Variants in ADCYAP1R1 observed in about 807,000 individuals in gnomAD.
The protein encoded by ADCYAP1R1 is pituitary adenylate cyclase-activating polypeptide type I receptor.
Under a neutral mutation model 67.6 loss-of-function variants are expected in ADCYAP1R1, and 44 were observed. The ratio of observed to expected loss-of-function variants is 0.65; its 90% CI spans 0.51 to 0.84. The LOEUF is 0.84. Ranked by LOEUF, ADCYAP1R1 falls within the 40% of genes least tolerant of loss-of-function variation. The pLI is 0.00. For synonymous variants in ADCYAP1R1, 222 were observed against 219.6 expected, an observed-to-expected ratio of 1.01 and a Z score of -0.10; for missense variants, 477 against 587.9, an observed-to-expected ratio of 0.81 and a Z score of 1.95.
intron 13 of ADCYAP1R1, among the ~76,000 whole-genome samples, chr7:31,093,828 G>A (rs905014384): frequency 7.9e-5 from 12 of 152,132 alleles, no homozygotes; most frequent in Admixed American, 4.6e-4. Flanking sequence ...CCCAGTAGAT[G>A]ACAAGTGGGA....
intron 1 of ADCYAP1R1, chr7:31,057,076 C>A (rs1005212977): frequency 3.3e-5 from 5 of 152,302 alleles, no homozygotes; most frequent in African/African-American, 1.2e-4. Context: ...TGCAGAGCTA[C>A]TCCTCTCCAC....
At chr7:31,099,874 C>T (rs1796362895) in intron 13 of ADCYAP1R1, among the ~76,000 whole-genome samples, 2 of 152,332 alleles carry the variant, frequency 1.3e-5, no homozygotes, top group Middle Eastern at 3.4e-3. Context: ...AACCCACCCA[C>T]CTAGCAGTGG....
chr7:31,101,196 G>A (rs141452573), intron 13 of ADCYAP1R1, among the ~76,000 whole-genome samples: 286 of 152,310 alleles, frequency 1.9e-3, no homozygotes, highest in African/African-American at 6.6e-3. Flanking sequence ...GGGAGGGAAG[G>A]TGTTGCCCTT....
intron 13 of ADCYAP1R1, among the ~76,000 whole-genome samples, chr7:31,097,950 A>G (rs1440044200): frequency 6.6e-6 from 1 of 152,038 alleles, no homozygotes; most frequent in Non-Finnish European, 1.5e-5. Context: ...GCCCAGGCTG[A>G]ATTGCAGTGG....
At chr7:31,066,673 C>T (rs1794752230) in intron 3 of ADCYAP1R1, among the ~76,000 whole-genome samples, 1 of 152,170 alleles carries the variant, frequency 6.6e-6, no homozygotes, top group African/African-American at 2.4e-5. Flanking sequence ...ACAATCCAAA[C>T]CAATTAAATC....
chr7:31,088,699 T>C (rs1009473994), intron 12 of ADCYAP1R1, among the ~76,000 whole-genome samples: 4 of 152,338 alleles, frequency 2.6e-5, no homozygotes, highest in East Asian at 3.9e-4. Flanking sequence ...TTCCAGACTT[T>C]CTATTCTGTG....
intron 1 of ADCYAP1R1, among the ~76,000 whole-genome samples, chr7:31,055,896 C>T (rs1056254133): frequency 6.6e-6 from 1 of 152,204 alleles, no homozygotes; most frequent in Non-Finnish European, 1.5e-5. Context: ...CACCCTCCCC[C>T]AGATTGGCCT....
intron 12 of ADCYAP1R1, among the ~76,000 whole-genome samples, chr7:31,091,710 G>T (rs1038924424): frequency 1.3e-5 from 2 of 152,102 alleles, no homozygotes; most frequent in Non-Finnish European, 2.9e-5. Flanking sequence ...TTCAGACACT[G>T]ATCAAACTGG....
Position 31,108,889 on chromosome 7 carries a change from G to A in ADCYAP1R1, c.*2205G>A, listed in dbSNP as rs1796749164. 6.6e-6 allele frequency: 1 copy of A among 152,154 alleles called. No homozygotes were observed. The highest frequency in any genetic ancestry group is 2.4e-5 in the African/African-American group (1 of 41,402). The allele number at this position is 152,154 out of a possible 1,614,324, so 9.4% of individuals were successfully genotyped here. A position where few individuals can be genotyped will look rare whatever the true frequency, so the allele number is the denominator to read the frequency against. On this transcript the variant is annotated 3_prime_UTR_variant, in exon 16 of 16. Coordinates refer to ENST00000304166, the MANE Select transcript of ADCYAP1R1 (RefSeq NM_001118.5). ...GCTGGTGGCCTGGAAGGAAGGATTA[G>A]GTCATGGACATTTGAACAGGTGCCT...
Position 31,106,828 on chromosome 7 carries a change from G to C in ADCYAP1R1, c.*144G>C, listed in dbSNP as rs1796669289. The C allele has an allele frequency of 2.0e-6, 2 of 1,005,508 alleles. No individual in the cohort carries two copies. Among genetic ancestry groups the C allele is most frequent in the South Asian group, 1.7e-5 (1 of 57,610 alleles). The allele number at this position is 1,005,508 out of a possible 1,614,324, so 62.3% of individuals were successfully genotyped here. A position where few individuals can be genotyped will look rare whatever the true frequency, so the allele number is the denominator to read the frequency against. ...GCTCCTGAGGGGGGAGAAGGAGGCA[G>C]GGCACAGACTGGAATTGTCCCCTCC... On this transcript the variant is annotated 3_prime_UTR_variant, in exon 16 of 16. Transcript: ENST00000304166.
intron 14 of ADCYAP1R1, 124 bp downstream of exon 14, chr7:31,103,490 G>A: frequency 7.3e-7 from 1 of 1,377,806 alleles, no homozygotes; most frequent in South Asian, 1.4e-5. Context: ...GAGGTGATGA[G>A]GGAGCCCTGT....
At position 31,087,673 on chromosome 7, in the gene ADCYAP1R1, G is replaced by A. The variant is rs2128631703; in HGVS notation, c.931G>A (p.Gly311Ser). Reference protein sequence around the residue: ...DSTALWWVIKGPVVGSIMVNF... With the variant: ...DSTALWWVIKSPVVGSIMVNF... ...CACAGCTCTGTGGTGGGTGATCAAA[G>A]GCCCTGTGGTTGGCTCTATCATGGT... is the stretch of plus-strand genomic sequence containing the variant. Residue 311 changes from glycine (G) to serine (S), a missense_variant, in exon 12 of 16, where the codon GGC becomes AGC. Transcript: ENST00000304166. 6.2e-7 allele frequency: 1 copy of A among 1,614,088 alleles called. No individual in the cohort carries two copies. The highest frequency in any genetic ancestry group is 2.2e-5 in the East Asian group (1 of 44,870).
At chr7:31,103,011 C>T (rs1188585434) in intron 13 of ADCYAP1R1, among the ~76,000 whole-genome samples, 3 of 152,204 alleles carry the variant, frequency 2.0e-5, no homozygotes, top group Non-Finnish European at 4.4e-5. Flanking sequence ...AGTGGTTCTA[C>T]AGGCTATTGA....
chr7:31,065,198 C>A (rs1316234617), intron 3 of ADCYAP1R1, among the ~76,000 whole-genome samples: 1 of 152,178 alleles, frequency 6.6e-6, no homozygotes, highest in Non-Finnish European at 1.5e-5. Context: ...GCTGGGATAG[C>A]ACTGGTGCCT....
At chr7:31,063,480 C>T (rs1361144643) in intron 2 of ADCYAP1R1, among the ~76,000 whole-genome samples, 165 bp downstream of exon 2, 2 of 152,232 alleles carry the variant, frequency 1.3e-5, no homozygotes, top group African/African-American at 2.4e-5. Context: ...TCAGAAAAGA[C>T]ATGCCTTCCT....
intron 13 of ADCYAP1R1, among the ~76,000 whole-genome samples, chr7:31,094,703 C>A (rs2267732): frequency 0.65 from 98,690 of 151,866 alleles, 33,505 homozygotes; most frequent in African/African-American, 0.86. Context: ...AAGAAGTGCC[C>A]GCCAAGGTTT....
intron 14 of ADCYAP1R1, among the ~76,000 whole-genome samples, chr7:31,104,031 GA>G (rs1354963805): frequency 6.6e-6 from 1 of 152,228 alleles, no homozygotes; most frequent in Non-Finnish European, 1.5e-5. Context: ...TTGATGGTCA[GA>G]AAGTTACTCT....
chr7:31,062,154 G>A (rs1019283542), intron 1 of ADCYAP1R1, among the ~76,000 whole-genome samples: 2 of 152,152 alleles, frequency 1.3e-5, no homozygotes, highest in African/African-American at 2.4e-5. Context: ...TTTATCAGAT[G>A]CAGAATTGCT....
chr7:31,106,992 A>G lies in ADCYAP1R1; in HGVS notation c.*308A>G. 1 of 331,296 alleles carries G rather than the reference A, an allele frequency of 3.0e-6. No homozygotes were observed. The highest frequency in any genetic ancestry group is 6.9e-5 in the South Asian group (1 of 14,556). The allele number at this position is 331,296 out of a possible 1,614,324, so 20.5% of individuals were successfully genotyped here. A position where few individuals can be genotyped will look rare whatever the true frequency, so the allele number is the denominator to read the frequency against. ...CCCTGCTCACTTCCAGTCAGGTCTC[A>G]GCTCCACCCCACTGTTTCTTGGTCA... On this transcript the variant is annotated 3_prime_UTR_variant, in exon 16 of 16. Coordinates refer to ENST00000304166, the MANE Select transcript of ADCYAP1R1 (RefSeq NM_001118.5).
Sources: allele counts gnomAD v4.1 joint callset (sites outside exome capture counted in the v4.1 genomes callset), GRCh38; gene constraint gnomAD v4.1.1; transcripts MANE v1.5; gene names NCBI Gene and HGNC (gene_info 2026-07-23, HGNC 2026-07-21).